The following NRXN2 variants were observed in gnomAD, a reference collection of about 807,000 sequenced individuals.
The protein encoded by NRXN2 is neurexin-2-beta.
NRXN2 carries 29 observed loss-of-function variants against 128.8 expected under a neutral mutation model. The observed-to-expected ratio is 0.23, with a 90% CI of 0.17 to 0.31. The LOEUF (loss-of-function observed/expected upper bound fraction) is 0.31, where lower values mean the gene tolerates loss of function less well. Among genes scored for constraint, NRXN2 ranks in the 10% least tolerant of loss-of-function variants. The pLI, the probability that NRXN2 is intolerant of heterozygous loss-of-function variation, is 1.00. For missense variants in NRXN2, 1,881 were observed against 2,452.6 expected (o/e 0.77, Z 4.92); for synonymous variants, 1,098 against 1,075.2 (o/e 1.02, Z -0.41).
At chr11:64,617,358 C>T (rs2041700474) in intron 22 of NRXN2, among the ~76,000 whole-genome samples, 1 of 152,174 alleles carries the variant, frequency 6.6e-6, no homozygotes, top group Admixed American at 6.5e-5. Context: ...AAGTCAGATC[C>T]CCTCAGGGGC....
At chr11:64,719,743 G>A (rs2057385899) in intron 1 of NRXN2, among the ~76,000 whole-genome samples, 1 of 152,214 alleles carries the variant, frequency 6.6e-6, no homozygotes, top group Admixed American at 6.5e-5. Context: ...CTGGGGCACA[G>A]CAGCCTGGGC....
At chr11:64,653,342 T>C (rs775831757) in intron 12 of NRXN2, among the ~76,000 whole-genome samples, 14 of 152,074 alleles carry the variant, frequency 9.2e-5, no homozygotes, top group Non-Finnish European at 2.1e-4. Flanking sequence ...TGCCAGTCCA[T>C]AGGACCACAG....
Position 64,643,003 on chromosome 11 carries a change from G to A in NRXN2, c.3403+5216C>T. On this transcript the variant is annotated intron_variant, in intron 17 of 22. Coordinates refer to ENST00000265459, the MANE Select transcript of NRXN2 (RefSeq NM_015080.4). Reference sequence around the variant, plus strand: ...CCGGGAAATCGGGGGTCCGCGGAGCGGCAACGCCAAGGTCCAGGATGCCTG... The same window carrying A: ...CCGGGAAATCGGGGGTCCGCGGAGCAGCAACGCCAAGGTCCAGGATGCCTG... 6.9e-6 allele frequency: 7 copies of A among 1,008,952 alleles called. No individual in the cohort carries two copies. In the South Asian group the frequency reaches 1.9e-4, roughly 27 times the overall value. 62.5% of individuals were successfully genotyped at this position (1,008,952 alleles called of 1,614,324 possible). A position where few individuals can be genotyped will look rare whatever the true frequency, so the allele number is the denominator to read the frequency against.
chr11:64,668,396 A>T, intron 8 of NRXN2, 47 bp downstream of exon 8: 3 of 1,607,596 alleles, frequency 1.9e-6, no homozygotes, highest in Non-Finnish European at 2.5e-6. Context: ...AAGACAGGAG[A>T]CAAAGGGCTC....
In NRXN2 at chr11:64,668,586, C is replaced by T. The variant is rs1248060708; in HGVS notation, c.1216G>A (p.Gly406Arg). Residue 406 changes from glycine (G) to arginine (R), a missense_variant, in exon 8 of 23, where the codon GGG (glycine) becomes AGG (arginine). Gly to Arg is a moderately radical substitution (Grantham distance 125). Coordinates refer to ENST00000265459, the MANE Select transcript of NRXN2 (RefSeq NM_015080.4). ...LHYLVTISVD[G>R]ILTTTGYTQE... ...GTGTAGCCTGTGGTGGTCAGGATCC[C>T]GTCCACCGAGATGGTCACCTGTCCA... 1 of 1,612,320 alleles carries T rather than the reference C, an allele frequency of 6.2e-7. No homozygotes were observed. The highest frequency in any genetic ancestry group is 8.5e-7 in the Non-Finnish European group (1 of 1,179,610).
intron 22 of NRXN2, among the ~76,000 whole-genome samples, chr11:64,611,320 C>G (rs939965450): frequency 9.9e-5 from 15 of 152,214 alleles, no homozygotes; most frequent in Non-Finnish European, 1.9e-4. Flanking sequence ...TTGGCAGCAG[C>G]CTTTCTCTAC....
chr11:64,688,543 T>C (rs1028054465), intron 5 of NRXN2: 1 of 985,112 alleles, frequency 1.0e-6, no homozygotes, highest in Non-Finnish European at 1.2e-6. Flanking sequence ...ACAAACAAGA[T>C]CTGGGCTGAA....
chr11:64,668,625 G>T, intron 7 of NRXN2, 21 bp from the exon 8 acceptor site: 6 of 1,612,546 alleles, frequency 3.7e-6, no homozygotes, highest in Non-Finnish European at 5.1e-6. Context: ...CAGGAGGGAG[G>T]GAGAAAGACA....
chr11:64,618,233 C>T (rs1591517227), intron 22 of NRXN2, among the ~76,000 whole-genome samples: 1 of 152,242 alleles, frequency 6.6e-6, no homozygotes, highest in Admixed American at 6.5e-5. Flanking sequence ...CAAGACAGGG[C>T]TGGGAGGCTA....
At position 64,713,456 on chromosome 11, in the gene NRXN2, G is replaced by A; in HGVS notation, c.244C>T (p.Leu82=). Residue 82 remains leucine (L), a synonymous_variant, in exon 2 of 23, where the codon CTG becomes TTG. Transcript: ENST00000265459. ...GGDCDFLELL[L]VDGRLRLRFT... ...CGCAGCCGCAGGCGGCCGTCCACCA[G>A]CAGCAGCTCCAGGAAGTCGCAGTCG... 2 of 1,528,620 alleles carry A rather than the reference G, an allele frequency of 1.3e-6. No individual in the cohort carries two copies. Among genetic ancestry groups the A allele is most frequent in the Admixed American group, 2.0e-5 (1 of 50,768 alleles). The allele number at this position is 1,528,620 out of a possible 1,614,324, so 94.7% of individuals were successfully genotyped here.
Position 64,607,523 on chromosome 11 carries a change from G to A in NRXN2, c.4812C>T (p.Pro1604=), listed in dbSNP as rs768050279. ...PPLRPGVTSA[P]GFPHLPTANP... is the part of the protein sequence containing the mutation. ...TGGCTGTGGGCAGATGGGGGAAGCC[G>A]GGGGCTGAGGTCACGCCGGGGCGCA... The change falls in exon 23 of 23, where the codon CCC becomes CCT. Residue 1604 remains proline, a synonymous_variant. Coordinates refer to ENST00000265459, the MANE Select transcript of NRXN2 (RefSeq NM_015080.4). 1.5e-5 allele frequency: 24 copies of A among 1,582,210 alleles called. No individual in the cohort carries two copies. Among genetic ancestry groups the A allele is most frequent in the East Asian group, 2.3e-5 (1 of 44,148 alleles).
intron 17 of NRXN2, among the ~76,000 whole-genome samples, chr11:64,642,116 G>A (rs1310642281): frequency 6.6e-6 from 1 of 151,918 alleles, no homozygotes; most frequent in African/African-American, 2.4e-5. Context: ...TGAGGGTGAG[G>A]CAGAGGTGGA....
intron 2 of NRXN2, among the ~76,000 whole-genome samples, chr11:64,701,139 C>A (rs2055294334): frequency 6.6e-6 from 1 of 152,210 alleles, no homozygotes; most frequent in South Asian, 2.1e-4. Context: ...TCTACCGCCA[C>A]TCTTTTCACC....
At chr11:64,718,495 T>A (rs531870022) in intron 1 of NRXN2, among the ~76,000 whole-genome samples, 1 of 152,042 alleles carries the variant, frequency 6.6e-6, no homozygotes, top group East Asian at 1.9e-4. Flanking sequence ...GAGAAGTGCG[T>A]GCTATGGGGG....
chr11:64,680,865 G>A (rs1437366396), intron 6 of NRXN2, among the ~76,000 whole-genome samples: 1 of 152,124 alleles, frequency 6.6e-6, no homozygotes, highest in African/African-American at 2.4e-5. Flanking sequence ...GGGAGGCTGA[G>A]GTAGGTGGAT....
chr11:64,694,254 G>A (rs529612183), intron 3 of NRXN2, among the ~76,000 whole-genome samples: 1 of 152,318 alleles, frequency 6.6e-6, no homozygotes, highest in South Asian at 2.1e-4. Flanking sequence ...GAACAGCCCT[G>A]CAGTGCCACT....
chr11:64,690,398 C>A lies in NRXN2; in HGVS notation c.850+7G>T. 6.2e-7 allele frequency: 1 copy of A among 1,611,454 alleles called. No individual in the cohort carries two copies. Among genetic ancestry groups the A allele is most frequent in the Non-Finnish European group, 8.5e-7 (1 of 1,179,054 alleles). On this transcript the variant is annotated splice_region_variant and intron_variant, in intron 5 of 22. Transcript: ENST00000265459. Reference sequence around the variant, plus strand: ...TGGGCTCTCTGGGGACCATGGGGGTCACTGACCTTTTGTTGGCTGGTGCAC... The same window carrying A: ...TGGGCTCTCTGGGGACCATGGGGGTAACTGACCTTTTGTTGGCTGGTGCAC...
In NRXN2 at chr11:64,648,979, C is replaced by T; in HGVS notation, c.3110-72G>A. On this transcript the variant is annotated intron_variant, in intron 15 of 22. Coordinates refer to ENST00000265459, the MANE Select transcript of NRXN2 (RefSeq NM_015080.4). The surrounding 1 kb of genome is among the most constrained non-coding windows in gnomAD (Gnocchi z 4.1). ...TCCCAAGACAATGGCATCTGGCTGT[C>T]AGGTCCTCCCAGCCTTCTCAGGTTC... 1 of 1,493,802 alleles carries T rather than the reference C, an allele frequency of 6.7e-7. No individual in the cohort carries two copies. The highest frequency in any genetic ancestry group is 9.3e-7 in the Non-Finnish European group (1 of 1,073,714). 92.5% of individuals were successfully genotyped at this position (1,493,802 alleles called of 1,614,324 possible).
intron 2 of NRXN2, among the ~76,000 whole-genome samples, chr11:64,699,780 A>G (rs2055074338): frequency 6.6e-6 from 1 of 152,164 alleles, no homozygotes; most frequent in Non-Finnish European, 1.5e-5. Flanking sequence ...AGGGGCCCTC[A>G]GGAAACCCTT....
Sources: allele counts gnomAD v4.1 joint callset (sites outside exome capture counted in the v4.1 genomes callset), GRCh38; gene constraint gnomAD v4.1.1; non-coding constraint Gnocchi (gnomAD v3.1); transcripts MANE v1.5; gene names NCBI Gene and HGNC (gene_info 2026-07-23, HGNC 2026-07-21).